EBF1: variants seen among roughly 807,000 people sequenced by gnomAD.
EBF1 encodes EBF transcription factor 1.
In EBF1, 10 loss-of-function variants were observed where a neutral mutation model predicts 68.4. That is an observed-to-expected ratio of 0.15 (90% CI 0.09 to 0.25). EBF1 has a LOEUF of 0.25. EBF1 is among the 10% of genes least tolerant of loss of function. The pLI is 1.00. For synonymous variants in EBF1, 298 were observed against 299.8 expected, an observed-to-expected ratio of 0.99 and a Z score of 0.06; for missense variants, 509 against 794.4, an observed-to-expected ratio of 0.64 and a Z score of 4.32.
Position 159,099,468 on chromosome 5 carries a change from A to G in EBF1, c.11T>C (p.Ile4Thr). Reference sequence around the variant, plus strand: ...TCCACTCCGTTGGATGCTTTCCTGAATCCCAAACATGAAAACAACCTTTTC... The same window carrying G: ...TCCACTCCGTTGGATGCTTTCCTGAGTCCCAAACATGAAAACAACCTTTTC... MFG[I>T]QESIQRSGSS... The change falls in exon 1 of 16, where the codon ATT becomes ACT. Residue 4 changes from isoleucine to threonine, a missense_variant. Physicochemically the swap from Ile to Thr is moderately conservative, Grantham distance 89. Around this residue, in one of 3 missense-constraint regions of EBF1, gnomAD observed 74 missense variants for 79.4 expected, o/e 0.93. Coordinates refer to ENST00000313708, the MANE Select transcript of EBF1 (RefSeq NM_024007.5). 6.3e-7 allele frequency: 1 copy of G among 1,584,780 alleles called. No homozygotes were observed. Among genetic ancestry groups the G allele is most frequent in the Admixed American group, 1.8e-5 (1 of 56,254 alleles).
chr5:159,059,530 A>C (rs182246104), intron 6 of EBF1, among the ~76,000 whole-genome samples: 1 of 152,256 alleles, frequency 6.6e-6, no homozygotes, highest in Non-Finnish European at 1.5e-5. Flanking sequence ...TCTGCTGTAT[A>C]TAAGAAATTA....
At chr5:158,776,768 G>T (rs1419570924) in intron 10 of EBF1, among the ~76,000 whole-genome samples, 1 of 152,160 alleles carries the variant, frequency 6.6e-6, no homozygotes, top group Non-Finnish European at 1.5e-5. Flanking sequence ...TATTTGGTTT[G>T]CACTTCACAA....
chr5:158,804,218 A>G (rs1026005800), intron 8 of EBF1, among the ~76,000 whole-genome samples: 1 of 151,962 alleles, frequency 6.6e-6, no homozygotes, highest in African/African-American at 2.4e-5. Context: ...TGTAGCTCCA[A>G]TGTCCATCTA....
chr5:158,788,412 T>A (rs1777893225), intron 9 of EBF1, among the ~76,000 whole-genome samples: 1 of 152,026 alleles, frequency 6.6e-6, no homozygotes, highest in African/African-American at 2.4e-5. Flanking sequence ...TTACTGCAGG[T>A]ACAAGGAGCA....
chr5:158,843,425 G>A (rs921241418), intron 6 of EBF1, among the ~76,000 whole-genome samples: 2 of 152,216 alleles, frequency 1.3e-5, no homozygotes, highest in Non-Finnish European at 2.9e-5. Context: ...CTGGGGCAGG[G>A]CGCCTGTCAG....
chr5:158,811,537 T>C (rs1419174839), intron 8 of EBF1, among the ~76,000 whole-genome samples: 1 of 152,174 alleles, frequency 6.6e-6, no homozygotes, highest in Non-Finnish European at 1.5e-5. Flanking sequence ...ATGTGTTTAG[T>C]AAAACTAATA....
intron 6 of EBF1, among the ~76,000 whole-genome samples, chr5:159,032,273 C>T (rs1436282461): frequency 1.3e-5 from 2 of 152,194 alleles, no homozygotes; most frequent in Non-Finnish European, 1.5e-5. Flanking sequence ...CTCCGTTGTA[C>T]AAATGTAAAA....
At chr5:158,911,278 G>C (rs1287855140) in intron 6 of EBF1, among the ~76,000 whole-genome samples, 1 of 152,106 alleles carries the variant, frequency 6.6e-6, no homozygotes, top group African/African-American at 2.4e-5. Flanking sequence ...CAACATTCAA[G>C]GCTTGCTCAT....
chr5:158,934,040 G>A (rs1811445124), intron 6 of EBF1, among the ~76,000 whole-genome samples: 1 of 152,228 alleles, frequency 6.6e-6, no homozygotes, highest in South Asian at 2.1e-4. Flanking sequence ...ATTGAAAATA[G>A]AATCTCAAAA....
intron 15 of EBF1, among the ~76,000 whole-genome samples, chr5:158,706,292 G>C (rs1338613945): frequency 6.7e-6 from 1 of 148,418 alleles, no homozygotes; most frequent in African/African-American, 2.5e-5. Context: ...AGTCTGGGCT[G>C]TGCTGGGCAG....
chr5:158,940,665 T>A (rs932652294), intron 6 of EBF1, among the ~76,000 whole-genome samples: 3 of 149,180 alleles, frequency 2.0e-5, no homozygotes, highest in Non-Finnish European at 4.4e-5. Flanking sequence ...GACAGGAAGT[T>A]CATACAGGCC....
intron 6 of EBF1, among the ~76,000 whole-genome samples, chr5:158,933,551 C>T (rs1292198405): frequency 6.6e-6 from 1 of 152,156 alleles, no homozygotes; most frequent in Non-Finnish European, 1.5e-5. Flanking sequence ...AAAGGGTTCA[C>T]TGATTGTTTG....
At chr5:158,800,614 C>T (rs962303713) in intron 8 of EBF1, among the ~76,000 whole-genome samples, 2 of 152,142 alleles carry the variant, frequency 1.3e-5, no homozygotes, top group South Asian at 4.1e-4. Context: ...AAAACAGCTG[C>T]GCTGACCCTG....
At chr5:159,067,442 C>T (rs1777046946) in intron 6 of EBF1, among the ~76,000 whole-genome samples, 1 of 152,160 alleles carries the variant, frequency 6.6e-6, no homozygotes, top group Non-Finnish European at 1.5e-5. Context: ...ATTTCCTTTA[C>T]AGGAAAACCA....
intron 6 of EBF1, among the ~76,000 whole-genome samples, chr5:159,040,844 G>A (rs1450623006): frequency 1.3e-5 from 2 of 152,158 alleles, no homozygotes; most frequent in Non-Finnish European, 1.5e-5. Context: ...TTCTCCTGCT[G>A]GTAAGCACAT....
At chr5:158,966,793 C>G (rs1754251424) in intron 6 of EBF1, among the ~76,000 whole-genome samples, 1 of 152,154 alleles carries the variant, frequency 6.6e-6, no homozygotes, top group Non-Finnish European at 1.5e-5. Context: ...TCCAAATCAC[C>G]TTTTTAGACA....
At chr5:159,042,289 C>T (rs1363384237) in intron 6 of EBF1, among the ~76,000 whole-genome samples, 1 of 152,064 alleles carries the variant, frequency 6.6e-6, no homozygotes, top group Admixed American at 6.6e-5. Context: ...CCTTGACGGT[C>T]CTTTCATCCA....
intron 6 of EBF1, among the ~76,000 whole-genome samples, chr5:158,885,398 A>C (rs1363832033): frequency 1.3e-5 from 2 of 152,228 alleles, no homozygotes; most frequent in Non-Finnish European, 2.9e-5. Flanking sequence ...AGAAATGTTA[A>C]GTCAGTAATG....
At chr5:158,875,308 C>A (rs1797632598) in intron 6 of EBF1, among the ~76,000 whole-genome samples, 1 of 152,156 alleles carries the variant, frequency 6.6e-6, no homozygotes, top group Non-Finnish European at 1.5e-5. Context: ...TGAACTTCTG[C>A]AGATAATTCC....
Sources: gnomAD v4.1 joint callset for allele counts (sites outside exome capture counted in the v4.1 genomes callset) on GRCh38, gnomAD v4.1.1 for gene constraint, gnomAD v4.1.1 regional missense constraint, MANE v1.5 for transcripts, NCBI Gene and HGNC (gene_info 2026-07-23, HGNC 2026-07-21) for gene names.